The following FRMD4B variants were observed in gnomAD, a reference collection of about 807,000 sequenced individuals.
FRMD4B encodes the protein FERM domain-containing protein 4B.
Under a neutral mutation model 141.5 loss-of-function variants are expected in FRMD4B, and 74 were observed. That is an observed-to-expected ratio of 0.52 (90% CI 0.43 to 0.63). The LOEUF (loss-of-function observed/expected upper bound fraction) is 0.63, where lower values mean the gene tolerates loss of function less well. Among genes scored for constraint, FRMD4B ranks in the 30% least tolerant of loss-of-function variants. FRMD4B has a pLI of 0.00. For synonymous variants in FRMD4B, 506 were observed against 467.9 expected (o/e 1.08, Z -1.05); for missense variants, 1,366 against 1,253.4 (o/e 1.09, Z -1.36).
At chr3:69,323,037 T>A (rs1285933705) in intron 1 of FRMD4B, 12 of 970,650 alleles carry the variant, frequency 1.2e-5, no homozygotes. Flanking sequence ...TCACTGGAAG[T>A]GGAGAAGGAA....
intron 1 of FRMD4B, among the ~76,000 whole-genome samples, chr3:69,524,465 A>T (rs1221588387): frequency 6.6e-6 from 1 of 152,220 alleles, no homozygotes; most frequent in Non-Finnish European, 1.5e-5. Context: ...GCTTTATATC[A>T]GTTAGAATGT....
chr3:69,248,769 G>A (rs934940804), intron 7 of FRMD4B, among the ~76,000 whole-genome samples: 1 of 152,256 alleles, frequency 6.6e-6, no homozygotes, highest in South Asian at 2.1e-4. Flanking sequence ...ACAACTGTTA[G>A]GTCAAGTGTA....
intron 2 of FRMD4B, among the ~76,000 whole-genome samples, chr3:69,428,175 A>T (rs1705117384): frequency 6.6e-6 from 1 of 151,628 alleles, no homozygotes; most frequent in African/African-American, 2.4e-5. Context: ...GAGTTGGTAA[A>T]ACAGTGGCTC....
chr3:69,325,186 C>T (rs776156407), intron 1 of FRMD4B, among the ~76,000 whole-genome samples: 20 of 152,050 alleles, frequency 1.3e-4, no homozygotes, highest in Non-Finnish European at 2.5e-4. Context: ...CAAGTGGCTC[C>T]CAGTAGAGAC....
intron 1 of FRMD4B, among the ~76,000 whole-genome samples, chr3:69,344,687 T>C (rs1702869674): frequency 6.6e-6 from 1 of 152,232 alleles, no homozygotes; most frequent in Admixed American, 6.5e-5. Flanking sequence ...GTTTCTCCTT[T>C]ATAGACGACC....
At chr3:69,421,779 G>C (rs549807133) in intron 2 of FRMD4B, among the ~76,000 whole-genome samples, 1 of 152,196 alleles carries the variant, frequency 6.6e-6, no homozygotes, top group Non-Finnish European at 1.5e-5. Flanking sequence ...AACATGTCCA[G>C]CTTTGTAGAA....
intron 1 of FRMD4B, among the ~76,000 whole-genome samples, chr3:69,456,875 G>A (rs1002901998): frequency 6.6e-6 from 1 of 152,146 alleles, no homozygotes; most frequent in Non-Finnish European, 1.5e-5. Context: ...GTCTATGGCT[G>A]CTTTCATACT....
In FRMD4B at chr3:69,535,974, C is replaced by T; in HGVS notation, c.-129+6232G>A. On this transcript the variant is annotated intron_variant, in intron 1 of 5. Transcript: ENST00000459638. ...CCCAGCATCTCCTTGGCTGCTCCTG[C>T]TGCCTCGGGCCTTTGCCTTCCTACT... The T allele has an allele frequency of 5.2e-6, 2 of 384,640 alleles. 1 individual carries two copies. The highest frequency in any genetic ancestry group is 4.1e-5 in the South Asian group (2 of 48,394). The allele number at this position is 384,640 out of a possible 1,614,324, so 23.8% of individuals were successfully genotyped here.
At chr3:69,399,305 T>G (rs1330814600) in intron 2 of FRMD4B, among the ~76,000 whole-genome samples, 2 of 152,186 alleles carry the variant, frequency 1.3e-5, no homozygotes, top group African/African-American at 2.4e-5. Context: ...CGCTGAGAAA[T>G]CTGAGAATGG....
chr3:69,528,667 A>G (rs1002799926), intron 1 of FRMD4B, among the ~76,000 whole-genome samples: 8 of 152,132 alleles, frequency 5.3e-5, no homozygotes, highest in African/African-American at 1.9e-4. Flanking sequence ...CACCCAGCCT[A>G]TGGTTTTCTT....
intron 1 of FRMD4B, among the ~76,000 whole-genome samples, chr3:69,363,294 G>C (rs373531468): frequency 7.1e-6 from 1 of 140,984 alleles, no homozygotes; most frequent in African/African-American, 2.7e-5. Flanking sequence ...CATGTTGCCC[G>C]GGCTGGTCTT....
chr3:69,169,375 T>TTTTTTTTTTTTTTTTTTTTTTTTTC lies in FRMD4B; in HGVS notation c.*2485_*2486insGAAAAAAAAAAAAAAAAAAAAAAAA, dbSNP rs1553691449. On this transcript the variant is annotated 3_prime_UTR_variant, in exon 23 of 23. Coordinates refer to ENST00000398540, the MANE Select transcript of FRMD4B (RefSeq NM_015123.3). ...TTTCTTTTTTTTTTTTTTTTTTTTT[T>TTTTTTTTTTTTTTTTTTTTTTTTTC]CTTGAGACAAGGTCTGTTATTGCCT... is the stretch of plus-strand genomic sequence containing the variant. 4.0e-5 allele frequency among the ~76,000 whole-genome samples: 5 copies of TTTTTTTTTTTTTTTTTTTTTTTTTC among 124,610 alleles called. 1 individual carries two copies. Among genetic ancestry groups the TTTTTTTTTTTTTTTTTTTTTTTTTC allele is most frequent in the Non-Finnish European group, 3.4e-5 (2 of 59,464 alleles). The allele number at this position is 124,610 out of a possible 152,430, so 81.7% of individuals were successfully genotyped here.
At chr3:69,254,834 G>C (rs912821441) in intron 5 of FRMD4B, among the ~76,000 whole-genome samples, 10 of 152,088 alleles carry the variant, frequency 6.6e-5, no homozygotes, top group African/African-American at 2.2e-4. Context: ...GTACAAGCTA[G>C]CTCCAGCACA....
intron 11 of FRMD4B, among the ~76,000 whole-genome samples, chr3:69,215,458 A>C (rs2093131809): frequency 6.6e-6 from 1 of 150,820 alleles, no homozygotes; most frequent in South Asian, 2.1e-4. Context: ...ACACGTGGCT[A>C]ATTTTTGTAT....
At chr3:69,524,829 G>T (rs1000338452) in intron 1 of FRMD4B, among the ~76,000 whole-genome samples, 1 of 152,196 alleles carries the variant, frequency 6.6e-6, no homozygotes, top group African/African-American at 2.4e-5. Context: ...AGGAAATGTC[G>T]CCCCTACCTT....
At chr3:69,415,435 C>T (rs528078551) in intron 2 of FRMD4B, among the ~76,000 whole-genome samples, 1 of 152,254 alleles carries the variant, frequency 6.6e-6, no homozygotes, top group Admixed American at 6.5e-5. Context: ...CCATCTACCT[C>T]TCCCTTGCCC....
At chr3:69,336,862 T>G (rs964345665) in intron 1 of FRMD4B, among the ~76,000 whole-genome samples, 4 of 152,216 alleles carry the variant, frequency 2.6e-5, no homozygotes, top group African/African-American at 9.6e-5. Context: ...GAGAATTGCT[T>G]GAACCTGGGA....
chr3:69,479,611 C>G (rs1364980470), intron 1 of FRMD4B, among the ~76,000 whole-genome samples: 1 of 152,166 alleles, frequency 6.6e-6, no homozygotes, highest in Non-Finnish European at 1.5e-5. Flanking sequence ...TGTGGGTAAC[C>G]CAACCTTTCT....
At chr3:69,232,982 G>A (rs1218022906) in intron 7 of FRMD4B, among the ~76,000 whole-genome samples, 1 of 149,426 alleles carries the variant, frequency 6.7e-6, no homozygotes, top group Non-Finnish European at 1.5e-5. Context: ...AAACCCTTGG[G>A]CTCAAGTGAT....
Sources: gnomAD v4.1 joint callset for allele counts (sites outside exome capture counted in the v4.1 genomes callset) on GRCh38, gnomAD v4.1.1 for gene constraint, MANE v1.5 for transcripts, NCBI Gene and HGNC (gene_info 2026-07-23, HGNC 2026-07-21) for gene names.